TMEM132D: variants seen among roughly 807,000 people sequenced by gnomAD.
The protein encoded by TMEM132D is transmembrane protein 132D.
A neutral mutation model predicts 62.3 loss-of-function variants in TMEM132D; 21 were observed. That is an observed-to-expected ratio of 0.34 (90% confidence interval 0.24 to 0.49). TMEM132D has a LOEUF of 0.49. TMEM132D is among the 20% of genes least tolerant of loss of function. The probability of loss-of-function intolerance (pLI) is 0.99; values close to 1 mark genes in which losing one functional copy is unlikely to be tolerated. For missense variants in TMEM132D, 1,346 were observed against 1,402.8 expected (o/e 0.96, Z 0.65); for synonymous variants, 621 against 575.6 (o/e 1.08, Z -1.13).
intron 2 of TMEM132D, among the ~76,000 whole-genome samples, chr12:129,625,719 C>G (rs1879195562): frequency 6.6e-6 from 1 of 152,218 alleles, no homozygotes; most frequent in Non-Finnish European, 1.5e-5. Flanking sequence ...CTGCACAGCA[C>G]TTGCATTATT....
At chr12:129,339,146 C>T (rs978467182) in intron 3 of TMEM132D, among the ~76,000 whole-genome samples, 4 of 152,082 alleles carry the variant, frequency 2.6e-5, no homozygotes, top group African/African-American at 9.7e-5. Context: ...TGGCATGTGC[C>T]TATAATCCCA....
chr12:129,728,616 C>T (rs1243998660), intron 1 of TMEM132D, among the ~76,000 whole-genome samples: 1 of 152,312 alleles, frequency 6.6e-6, no homozygotes, highest in East Asian at 1.9e-4. Flanking sequence ...GAGTAAATTC[C>T]GTTTCCCCAG....
intron 2 of TMEM132D, among the ~76,000 whole-genome samples, chr12:129,629,341 A>G (rs1256192629): frequency 6.6e-6 from 1 of 152,204 alleles, no homozygotes; most frequent in Non-Finnish European, 1.5e-5. Flanking sequence ...CTTATCTTCA[A>G]GATTTTTATT....
chr12:129,403,549 C>T (rs1345512819), intron 3 of TMEM132D, among the ~76,000 whole-genome samples: 2 of 151,862 alleles, frequency 1.3e-5, no homozygotes, highest in African/African-American at 4.8e-5. Flanking sequence ...ATGCAATGAA[C>T]TTGAAATGGC....
intron 5 of TMEM132D, among the ~76,000 whole-genome samples, chr12:129,125,113 G>A (rs574907900): frequency 3.3e-5 from 5 of 152,284 alleles, no homozygotes; most frequent in Non-Finnish European, 5.9e-5. Context: ...GCAAGTCTGC[G>A]GAGGTGATGA....
intron 1 of TMEM132D, among the ~76,000 whole-genome samples, chr12:129,886,166 A>C (rs1266577164): frequency 3.3e-5 from 5 of 152,244 alleles, no homozygotes; most frequent in Admixed American, 1.3e-4. Context: ...AATACCTTTT[A>C]AGATAAAAAG....
rs1422357958 is a variant in TMEM132D at position 129,672,828 on chromosome 12, A to AC, written c.968+26981dup. 3.3e-5 allele frequency among the ~76,000 whole-genome samples: 5 copies of AC among 152,180 alleles called. No individual in the cohort carries two copies. The South Asian group carries it at 6.3e-4, about 19-fold the overall frequency. ...AATGGCACTATCTCGGCTCACTGCA[A>AC]CCTCTGCCTCCCGGGTTCAAGCGAT... On this transcript the variant is annotated intron_variant, in intron 2 of 8. Transcript: ENST00000422113.
intron 1 of TMEM132D, among the ~76,000 whole-genome samples, chr12:129,859,374 C>G (rs547439167): frequency 1.3e-5 from 2 of 152,210 alleles, no homozygotes; most frequent in African/African-American, 4.8e-5. Context: ...CCAACATACT[C>G]GGCTCAAAAT....
intron 2 of TMEM132D, among the ~76,000 whole-genome samples, chr12:129,669,795 A>G (rs1433138362): frequency 1.3e-5 from 2 of 152,178 alleles, no homozygotes; most frequent in African/African-American, 2.4e-5. Context: ...TTATTTCCCT[A>G]ATTATTTACT....
Position 129,747,863 on chromosome 12 carries a change from C to T in TMEM132D, c.80-47165G>A, listed in dbSNP as rs568054202. 9.1e-3 allele frequency among the ~76,000 whole-genome samples: 214 copies of T among 23,518 alleles called. 1 individual carries two copies. Among genetic ancestry groups the T allele is most frequent in the African/African-American group, 0.019 (202 of 10,866 alleles). The allele number at this position is 23,518 out of a possible 152,430, so 15.4% of individuals were successfully genotyped here. ...TCAGACACACACAGACACACACACA[C>T]ACGACACACACACACATTCAGACAC... On this transcript the variant is annotated intron_variant, in intron 1 of 8. Coordinates refer to ENST00000422113, the MANE Select transcript of TMEM132D (RefSeq NM_133448.3).
chr12:129,207,394 T>C (rs1407295339), intron 5 of TMEM132D, among the ~76,000 whole-genome samples: 2 of 151,944 alleles, frequency 1.3e-5, no homozygotes, highest in Non-Finnish European at 2.9e-5. Flanking sequence ...TATCTGTGAA[T>C]ACATAAACGT....
chr12:129,249,781 A>G (rs1880217586), intron 4 of TMEM132D, among the ~76,000 whole-genome samples: 1 of 152,222 alleles, frequency 6.6e-6, no homozygotes, highest in Non-Finnish European at 1.5e-5. Context: ...CGCTGTGAAC[A>G]TCTGAGAACC....
chr12:129,312,315 G>A (rs1261412785), intron 4 of TMEM132D, among the ~76,000 whole-genome samples: 3 of 152,144 alleles, frequency 2.0e-5, no homozygotes, highest in Non-Finnish European at 4.4e-5. Flanking sequence ...CTGAGAGAAT[G>A]AAGCCTTAGG....
At chr12:129,091,757 C>T (rs192916791) in intron 5 of TMEM132D, among the ~76,000 whole-genome samples, 1 of 152,214 alleles carries the variant, frequency 6.6e-6, no homozygotes, top group African/African-American at 2.4e-5. Context: ...TAAGAAGACA[C>T]AAGCCTAGTC....
intron 1 of TMEM132D, among the ~76,000 whole-genome samples, chr12:129,735,979 C>T (rs2137255625): frequency 6.6e-6 from 1 of 152,340 alleles, no homozygotes; most frequent in East Asian, 1.9e-4. Context: ...TGCCCACCTC[C>T]ACTGTCTCCT....
intron 2 of TMEM132D, among the ~76,000 whole-genome samples, chr12:129,649,288 T>C (rs1028546613): frequency 1.3e-5 from 2 of 152,144 alleles, no homozygotes; most frequent in South Asian, 2.1e-4. Flanking sequence ...TTCCTTCACT[T>C]TCTCCTTGGT....
chr12:129,169,833 C>T (rs1294956943), intron 5 of TMEM132D, among the ~76,000 whole-genome samples: 1 of 152,194 alleles, frequency 6.6e-6, no homozygotes, highest in Admixed American at 6.5e-5. Flanking sequence ...TGTCTAAACA[C>T]CACTTCCACT....
At chr12:129,637,740 A>C (rs1879522331) in intron 2 of TMEM132D, among the ~76,000 whole-genome samples, 1 of 152,180 alleles carries the variant, frequency 6.6e-6, no homozygotes, top group South Asian at 2.1e-4. Context: ...CTTCTGGGGA[A>C]GCCTCAGGAA....
At chr12:129,818,144 G>T (rs962857101) in intron 1 of TMEM132D, among the ~76,000 whole-genome samples, 8 of 149,190 alleles carry the variant, frequency 5.4e-5, no homozygotes, top group African/African-American at 2.0e-4. Context: ...GTGCATGTGT[G>T]TGTGTGGTAT....
Sources: allele counts gnomAD v4.1 joint callset (sites outside exome capture counted in the v4.1 genomes callset), GRCh38; gene constraint gnomAD v4.1.1; transcripts MANE v1.5; gene names NCBI Gene and HGNC (gene_info 2026-07-23, HGNC 2026-07-21).